Variants in GLIS3 observed in about 807,000 individuals in gnomAD.
GLIS3 encodes GLIS family zinc finger 3.
A neutral mutation model predicts 78.6 loss-of-function variants in GLIS3; 53 were observed. The ratio of observed to expected loss-of-function variants is 0.67; its 90% confidence interval spans 0.54 to 0.85. The LOEUF (loss-of-function observed/expected upper bound fraction) is 0.85. GLIS3 is among the 40% of genes least tolerant of loss of function. The pLI is 0.00. For missense variants in GLIS3, 1,703 were observed against 1,231.1 expected (o/e 1.38, Z -5.74); for synonymous variants, 684 against 509.9 (o/e 1.34, Z -4.60).
intron 4 of GLIS3, among the ~76,000 whole-genome samples, chr9:3,987,525 A>G (rs914189968): frequency 1.1e-4 from 16 of 151,716 alleles, no homozygotes; most frequent in African/African-American, 3.9e-4. Flanking sequence ...AACATGGTGA[A>G]ACCCTGTCTC....
chr9:4,375,983 AAAGT>A, the GLIS3 span, among the ~76,000 whole-genome samples: 1 of 152,190 alleles, frequency 6.6e-6, no homozygotes, highest in African/African-American at 2.4e-5. Context: ...TCTGTAAAAG[AAAGT>A]GAGTCCCTGA....
At chr9:4,152,703 A>T (rs1229323106) in intron 2 of GLIS3, among the ~76,000 whole-genome samples, 4 of 152,204 alleles carry the variant, frequency 2.6e-5, no homozygotes, top group African/African-American at 9.7e-5. Context: ...TATAAACGAA[A>T]ATTCAATAAG....
chr9:3,966,664 C>G (rs534632071), intron 4 of GLIS3, among the ~76,000 whole-genome samples: 3 of 151,726 alleles, frequency 2.0e-5, no homozygotes, highest in African/African-American at 7.3e-5. Context: ...CATGGTGGCG[C>G]ACGCCTGCAA....
the GLIS3 span, among the ~76,000 whole-genome samples, chr9:4,456,235 G>C: frequency 6.6e-6 from 1 of 152,170 alleles, no homozygotes; most frequent in Non-Finnish European, 1.5e-5. Context: ...GATCATGTGA[G>C]CCCTCAGAAA....
At chr9:4,484,404 A>ATTTT in the GLIS3 span, among the ~76,000 whole-genome samples, 30 of 49,764 alleles carry the variant, frequency 6.0e-4, no homozygotes, top group African/African-American at 1.8e-3. Flanking sequence ...TGCCAGGCTA[A>ATTTT]TTTTTTTTTT....
the GLIS3 span, among the ~76,000 whole-genome samples, chr9:4,358,286 AT>A: frequency 7.0e-4 from 107 of 151,878 alleles, no homozygotes; most frequent in African/African-American, 1.6e-3. Context: ...TTAATGCTCG[AT>A]TTTTTTTAAC....
the GLIS3 span, among the ~76,000 whole-genome samples, chr9:4,422,079 A>C: frequency 6.6e-6 from 1 of 152,250 alleles, no homozygotes; most frequent in Non-Finnish European, 1.5e-5. Context: ...AGATTTCTCA[A>C]AAAGTCAATT....
At chr9:4,339,484 G>A (rs1002548370) in intron 2 of GLIS3, among the ~76,000 whole-genome samples, 1 of 151,818 alleles carries the variant, frequency 6.6e-6, no homozygotes, top group African/African-American at 2.4e-5. Context: ...TACATAAACA[G>A]CCTTGTTTTT....
intron 4 of GLIS3, among the ~76,000 whole-genome samples, chr9:3,982,525 G>GTT (rs1488039748): frequency 1.3e-5 from 2 of 152,210 alleles, no homozygotes; most frequent in Admixed American, 1.3e-4. Context: ...GGAAAACACA[G>GTT]GGGAAGCTTC....
chr9:4,051,119 C>A (rs1825719421), intron 4 of GLIS3, among the ~76,000 whole-genome samples: 1 of 152,174 alleles, frequency 6.6e-6, no homozygotes, highest in Admixed American at 6.5e-5. Context: ...TTCTCCCAGC[C>A]CCTAAAGAAA....
chr9:4,432,306 T>C, the GLIS3 span, among the ~76,000 whole-genome samples: 1 of 152,188 alleles, frequency 6.6e-6, no homozygotes, highest in African/African-American at 2.4e-5. Flanking sequence ...GTTTAATTGA[T>C]CAGGAAAGGC....
At chr9:3,973,174 T>G (rs1205262133) in intron 4 of GLIS3, among the ~76,000 whole-genome samples, 1 of 152,172 alleles carries the variant, frequency 6.6e-6, no homozygotes, top group African/African-American at 2.4e-5. Context: ...ATGCAAATGC[T>G]GCCATTGTTC....
At chr9:3,929,812 G>T (rs979911760) in intron 6 of GLIS3, among the ~76,000 whole-genome samples, 5 of 152,088 alleles carry the variant, frequency 3.3e-5, no homozygotes, top group Admixed American at 2.6e-4. Flanking sequence ...TTTTTGAAAT[G>T]AGGCCAGTTT....
chr9:4,066,202 T>C (rs148754150), intron 4 of GLIS3, among the ~76,000 whole-genome samples: 66 of 152,302 alleles, frequency 4.3e-4, no homozygotes, highest in African/African-American at 1.5e-3. Flanking sequence ...AGGCTAACCC[T>C]ATCTGTAACA....
chr9:4,355,946 C>G, the GLIS3 span, among the ~76,000 whole-genome samples: 1 of 152,314 alleles, frequency 6.6e-6, no homozygotes, highest in African/African-American at 2.4e-5. Flanking sequence ...CATAGACATA[C>G]ATATTTATCA....
chr9:4,097,853 GAC>G (rs898250299), intron 4 of GLIS3, among the ~76,000 whole-genome samples: 5 of 151,976 alleles, frequency 3.3e-5, no homozygotes, highest in Admixed American at 2.0e-4. Context: ...AACCAATTAA[GAC>G]ACACACAAAA....
rs749103676 is a variant in GLIS3, at chr9:4,118,485, G to C, written c.993C>G (p.Ile331Met). ...RTSPTSLVAY[I>M]NGSRASPANL... ...TGGCCGGCGAAGCCCTCGACCCGTTGATGTAGGCCACCAAGGACGTGGGCG... is the reference window on the plus strand; with the variant it reads ...TGGCCGGCGAAGCCCTCGACCCGTTCATGTAGGCCACCAAGGACGTGGGCG... The change falls in exon 4 of 11, where the codon ATC becomes ATG. Residue 331 changes from isoleucine (I) to methionine (M), a missense_variant. Transcript: ENST00000381971. This position sits in a 1 kb window ranked among gnomAD's most constrained non-coding sequence, Gnocchi z 4.7. The C allele has an allele frequency of 3.7e-6, 6 of 1,614,048 alleles. No homozygotes were observed. Among genetic ancestry groups the C allele is most frequent in the East Asian group, 4.5e-5 (2 of 44,886 alleles).
the GLIS3 span, among the ~76,000 whole-genome samples, chr9:4,395,053 A>T: frequency 3.9e-5 from 6 of 152,198 alleles, no homozygotes; most frequent in African/African-American, 1.4e-4. Flanking sequence ...AATGGTGTAC[A>T]ATGTTTTCTA....
Position 4,061,225 on chromosome 9 carries a change from C to T in GLIS3, c.1710+56543G>A, listed in dbSNP as rs1427560193. Among the ~76,000 whole-genome samples, 3 of 133,926 alleles carry T rather than the reference C, an allele frequency of 2.2e-5. 1 individual carries two copies. The Admixed American group carries it at 2.4e-4, about 11-fold the overall frequency. 87.9% of individuals were successfully genotyped at this position (133,926 alleles called of 152,430 possible). ...TGCTATCCCTCCCCCCTCCCCCCAC[C>T]CCATGACAGGCCCCGGTGTGTGATG... On this transcript the variant is annotated intron_variant, in intron 4 of 10. Coordinates refer to ENST00000381971, the MANE Select transcript of GLIS3 (RefSeq NM_001042413.2).
Sources: allele counts gnomAD v4.1 joint callset (sites outside exome capture counted in the v4.1 genomes callset), GRCh38; gene constraint gnomAD v4.1.1; non-coding constraint Gnocchi (gnomAD v3.1); transcripts MANE v1.5; gene names NCBI Gene and HGNC (gene_info 2026-07-23, HGNC 2026-07-21).